The following HS6ST2 variants were observed in gnomAD, a reference collection of about 807,000 sequenced individuals.
The protein encoded by HS6ST2 is heparan sulfate 6-O-sulfotransferase 2.
Under a neutral mutation model 33.0 loss-of-function variants are expected in HS6ST2, and 17 were observed. That is an observed-to-expected ratio of 0.52 (90% CI 0.35 to 0.77). HS6ST2 has a LOEUF of 0.77. Ranked by LOEUF, HS6ST2 falls within the 30% of genes least tolerant of loss-of-function variation. The pLI is 0.01. For missense variants in HS6ST2, 519 were observed against 551.7 expected, an observed-to-expected ratio of 0.94 and a Z score of 0.59; for synonymous variants, 248 against 237.1, an observed-to-expected ratio of 1.05 and a Z score of -0.42.
chrX:132,663,869 A>G (rs1424789085), intron 4 of HS6ST2, among the ~76,000 whole-genome samples: 2 of 112,380 alleles, frequency 1.8e-5, no homozygotes, highest in African/African-American at 3.2e-5. Context: ...ATGGGTCTCA[A>G]TTAGAGGAAA....
At chrX:132,712,602 G>A (rs186694644) in intron 2 of HS6ST2, among the ~76,000 whole-genome samples, 140 of 112,006 alleles carry the variant, frequency 1.2e-3, no homozygotes, top group African/African-American at 4.4e-3. Flanking sequence ...GTCCTGAGAG[G>A]TGGTGTGGGA....
chrX:132,803,086 C>T (rs2065250284), intron 2 of HS6ST2, among the ~76,000 whole-genome samples: 1 of 111,522 alleles, frequency 9.0e-6, no homozygotes, highest in Non-Finnish European at 1.9e-5. Context: ...TGCCCAGTTA[C>T]AGATGTTCGG....
chrX:132,743,175 C>T (rs191132190), intron 2 of HS6ST2, among the ~76,000 whole-genome samples: 68 of 112,581 alleles, frequency 6.0e-4, no homozygotes, highest in African/African-American at 2.2e-3. Flanking sequence ...AGATATTTGA[C>T]AAGGATAAAG....
At chrX:132,910,477 T>C (rs886462153) in intron 2 of HS6ST2, among the ~76,000 whole-genome samples, 4 of 111,973 alleles carry the variant, frequency 3.6e-5, no homozygotes, top group African/African-American at 1.3e-4. Flanking sequence ...AGGCAACTTA[T>C]ATATATTCTT....
chrX:132,804,259 T>C (rs1011233268), intron 2 of HS6ST2, among the ~76,000 whole-genome samples: 18 of 111,567 alleles, frequency 1.6e-4, no homozygotes, highest in Non-Finnish European at 1.5e-4. Flanking sequence ...ACTGCCATGA[T>C]TGTCTCTTGT....
At chrX:132,835,888 C>T (rs1051177069) in intron 2 of HS6ST2, among the ~76,000 whole-genome samples, 7 of 111,679 alleles carry the variant, frequency 6.3e-5, no homozygotes, top group Admixed American at 4.7e-4. Context: ...TGCACTCCAG[C>T]TTGGGTGACA....
chrX:132,885,010 G>A (rs892982449), intron 2 of HS6ST2, among the ~76,000 whole-genome samples: 8 of 111,809 alleles, frequency 7.2e-5, no homozygotes, highest in African/African-American at 2.6e-4. Context: ...GTGGGGAGGT[G>A]TAAACCCAAG....
chrX:132,909,177 C>A, intron 2 of HS6ST2, among the ~76,000 whole-genome samples: 1 of 111,196 alleles, frequency 9.0e-6, no homozygotes, highest in Non-Finnish European at 1.9e-5. Flanking sequence ...ATGTGATTTT[C>A]TGCCTGAGCA....
chrX:132,671,400 TC>T (rs905951452), intron 3 of HS6ST2, among the ~76,000 whole-genome samples: 19 of 109,509 alleles, frequency 1.7e-4, no homozygotes, highest in African/African-American at 6.3e-4. Context: ...GTCATTTAAG[TC>T]ATCACTAAAT....
At chrX:132,836,527 G>A (rs908835247) in intron 2 of HS6ST2, among the ~76,000 whole-genome samples, 1 of 112,208 alleles carries the variant, frequency 8.9e-6, no homozygotes, top group Non-Finnish European at 1.9e-5. Context: ...ATGTAGAGGA[G>A]GTGCTGCTGT....
intron 2 of HS6ST2, among the ~76,000 whole-genome samples, chrX:132,807,643 G>C (rs2065298021): frequency 8.9e-6 from 1 of 111,927 alleles, no homozygotes; most frequent in Admixed American, 9.5e-5. Context: ...CACCTTAAAA[G>C]ACATAGAAGG....
At chrX:132,734,923 C>T (rs2064494660) in intron 2 of HS6ST2, among the ~76,000 whole-genome samples, 1 of 107,485 alleles carries the variant, frequency 9.3e-6, no homozygotes, top group Admixed American at 1.0e-4. Context: ...CAGTATGTGA[C>T]TAGAGATCAG....
chrX:132,741,302 G>GTTT (rs746132429), intron 2 of HS6ST2, among the ~76,000 whole-genome samples: 2 of 97,002 alleles, frequency 2.1e-5, no homozygotes, highest in South Asian at 4.6e-4. Context: ...TTTTGGTTTT[G>GTTT]TTTTTTTTTT....
chrX:132,893,045 G>A (rs1204267627), intron 2 of HS6ST2, among the ~76,000 whole-genome samples: 3 of 111,890 alleles, frequency 2.7e-5, no homozygotes, highest in Non-Finnish European at 3.8e-5. Flanking sequence ...TCTGTCTGTG[G>A]TAGGTTGAAT....
intron 4 of HS6ST2, among the ~76,000 whole-genome samples, chrX:132,657,618 A>G (rs1358926733): frequency 9.3e-6 from 1 of 107,842 alleles, no homozygotes; most frequent in Non-Finnish European, 1.9e-5. Context: ...GTCTTTGGAG[A>G]CATTATATTG....
intron 3 of HS6ST2, among the ~76,000 whole-genome samples, chrX:132,685,835 A>G (rs2064013066): frequency 8.9e-6 from 1 of 112,319 alleles, no homozygotes; most frequent in Non-Finnish European, 1.9e-5. Context: ...TACAGCTGTC[A>G]AATGTACTAA....
At chrX:132,726,613 T>G (rs1190269944) in intron 2 of HS6ST2, among the ~76,000 whole-genome samples, 1 of 112,296 alleles carries the variant, frequency 8.9e-6, no homozygotes, top group Non-Finnish European at 1.9e-5. Flanking sequence ...TTTCTGAACA[T>G]CTTCAGTCAC....
At chrX:132,684,105 T>C (rs1018128952) in intron 3 of HS6ST2, among the ~76,000 whole-genome samples, 3 of 108,423 alleles carry the variant, frequency 2.8e-5, no homozygotes, top group Non-Finnish European at 3.8e-5. Context: ...AACTTGTGAT[T>C]AAAGAGAAGG....
intron 2 of HS6ST2, among the ~76,000 whole-genome samples, chrX:132,860,148 C>T (rs753451068): frequency 3.6e-5 from 4 of 111,947 alleles, no homozygotes; most frequent in South Asian, 3.8e-4. Context: ...TTTTCCCCTA[C>T]GGGAAATCCA....
Sources: gnomAD v4.1 joint callset for allele counts (sites outside exome capture counted in the v4.1 genomes callset) on GRCh38, gnomAD v4.1.1 for gene constraint, MANE v1.5 for transcripts, NCBI Gene and HGNC (gene_info 2026-07-23, HGNC 2026-07-21) for gene names.